REPS1: variants seen among roughly 807,000 people sequenced by gnomAD.
REPS1 encodes the protein ralBP1-associated Eps domain-containing protein 1.
In REPS1, 39 loss-of-function variants were observed where a neutral mutation model predicts 100.9. The observed-to-expected ratio is 0.39, with a 90% CI of 0.30 to 0.50. The LOEUF (loss-of-function observed/expected upper bound fraction) is 0.50, where lower values mean the gene tolerates loss of function less well. REPS1 is among the 20% of genes least tolerant of loss of function. The pLI is 0.86. For missense variants in REPS1, 821 were observed against 968.5 expected, an observed-to-expected ratio of 0.85 and a Z score of 2.02; for synonymous variants, 324 against 340.3, an observed-to-expected ratio of 0.95 and a Z score of 0.53.
Position 138,943,798 on chromosome 6 carries a change from T to G in REPS1, c.916+55A>C, listed in dbSNP as rs930154685. On this transcript the variant is annotated intron_variant, in intron 6 of 19. Transcript: ENST00000450536. ...CAATAAAACAATGTCTTTGATATTA[T>G]GAAATTGAGATTCTCCTGTCCCATC... 11 of 1,421,188 alleles carry G rather than the reference T, an allele frequency of 7.7e-6. No individual in the cohort carries two copies. The African/African-American group carries it at 1.4e-4, about 19-fold the overall frequency. The allele number at this position is 1,421,188 out of a possible 1,614,324, so 88.0% of individuals were successfully genotyped here. A position where few individuals can be genotyped will look rare whatever the true frequency, so the allele number is the denominator to read the frequency against.
chr6:138,969,307 C>A (rs1784196353), intron 1 of REPS1, among the ~76,000 whole-genome samples: 1 of 85,764 alleles, frequency 1.2e-5, no homozygotes, highest in Admixed American at 1.6e-4. Flanking sequence ...TGAGATAGCT[C>A]TCGCTCTGTC....
intron 8 of REPS1, among the ~76,000 whole-genome samples, chr6:138,932,861 C>T (rs1037895449): frequency 3.3e-5 from 5 of 152,152 alleles, no homozygotes; most frequent in Non-Finnish European, 7.3e-5. Flanking sequence ...AATGACAATG[C>T]TGAAGGTTTC....
In REPS1 at chr6:138,912,135, T is replaced by C. The variant is rs1487393343; in HGVS notation, c.1971+630A>G. Among the ~76,000 whole-genome samples the C allele has an allele frequency of 3.9e-5, 6 of 152,170 alleles. No homozygotes were observed. The South Asian group carries it at 6.2e-4, about 16-fold the overall frequency. On this transcript the variant is annotated intron_variant, in intron 16 of 19. Coordinates refer to ENST00000450536, the MANE Select transcript of REPS1 (RefSeq NM_001286611.2). The stretch of plus-strand genomic sequence containing the variant: ...ATGGCTATGACCTATAAGAAAGAGA[T>C]TGCAGAATTCCTCTGGTCTCTCCAA...
In REPS1 at chr6:138,941,378, A is replaced by G. The variant is rs761606321; in HGVS notation, c.1092T>C (p.Pro364=). 6.2e-7 allele frequency: 1 copy of G among 1,614,096 alleles called. No individual in the cohort carries two copies. Among genetic ancestry groups the G allele is most frequent in the South Asian group, 1.1e-5 (1 of 91,084 alleles). Reference sequence around the variant, plus strand: ...CAATCAGTTTGGGCATTAAGCTTTCAGGAAGTTTTTCTGGTAAATCATAGC... The same window carrying G: ...CAATCAGTTTGGGCATTAAGCTTTCGGGAAGTTTTTCTGGTAAATCATAGC... ...KNGYDLPEKL[P]ESLMPKLIDL... is the part of the protein sequence containing the mutation. Residue 364 remains proline (P), a synonymous_variant, in exon 8 of 20, where the codon CCT becomes CCC. Transcript: ENST00000450536.
intron 1 of REPS1, among the ~76,000 whole-genome samples, chr6:138,962,773 T>G (rs1278306195): frequency 6.6e-6 from 1 of 152,164 alleles, no homozygotes; most frequent in African/African-American, 2.4e-5. Flanking sequence ...CCCAAAAGAA[T>G]GAGAGTCCAG....
At chr6:138,921,774 C>T (rs556834373) in intron 10 of REPS1, among the ~76,000 whole-genome samples, 16 of 151,818 alleles carry the variant, frequency 1.1e-4, no homozygotes, top group South Asian at 4.2e-4. Flanking sequence ...GACAGGGTTT[C>T]GCTATGCTGG....
chr6:138,986,875 A>C (rs1360078714), intron 1 of REPS1, among the ~76,000 whole-genome samples: 1 of 152,170 alleles, frequency 6.6e-6, no homozygotes, highest in Non-Finnish European at 1.5e-5. Context: ...GCTGTTCAAT[A>C]CTCATCTCCC....
chr6:138,912,598 C>T, intron 16 of REPS1, 167 bp downstream of exon 16: 1 of 674,824 alleles, frequency 1.5e-6, no homozygotes, highest in Admixed American at 2.6e-5. Flanking sequence ...ACTTAGTAAG[C>T]ATTACACTGC....
intron 1 of REPS1, among the ~76,000 whole-genome samples, chr6:138,978,034 T>C (rs1024965926): frequency 2.6e-5 from 4 of 152,222 alleles, no homozygotes; most frequent in Admixed American, 1.3e-4. Flanking sequence ...GCCATTCTTA[T>C]TGTTGTCTTT....
At chr6:138,955,457 A>AAGTGTGTGT (rs10689184) in intron 1 of REPS1, among the ~76,000 whole-genome samples, 1,977 of 90,614 alleles carry the variant, frequency 0.022, 39 homozygotes, top group East Asian at 0.078. Context: ...AAAAAAAAAA[A>AAGTGTGTGT]GTGTGTGTGT....
rs761479306 is a variant in REPS1 at position 138,917,670 on chromosome 6, T to TA, written c.1529-44dup. ...TCCTATTTAATAATAATCATTTCTT[T>TA]ACTTTTTGCTCTATCTACTCCAAAC... On this transcript the variant is annotated intron_variant, in intron 12 of 19. Transcript: ENST00000450536. 6 of 1,518,014 alleles carry TA rather than the reference T, an allele frequency of 4.0e-6. No homozygotes were observed. The African/African-American group carries it at 6.9e-5, about 17-fold the overall frequency. 94.0% of individuals were successfully genotyped at this position (1,518,014 alleles called of 1,614,324 possible).
At chr6:138,947,653 G>A (rs1194938057) in intron 2 of REPS1, 137 bp downstream of exon 2, 2 of 670,532 alleles carry the variant, frequency 3.0e-6, no homozygotes, top group Non-Finnish European at 4.7e-6. Context: ...GCAAGGTAGT[G>A]GGAATAAAGT....
Position 138,945,340 on chromosome 6 carries a change from T to G in REPS1, c.507A>C (p.Gln169His). 6.2e-7 allele frequency: 1 copy of G among 1,612,050 alleles called. No homozygotes were observed. Among genetic ancestry groups the G allele is most frequent in the South Asian group, 1.1e-5 (1 of 90,870 alleles). The change falls in exon 4 of 20, where the codon CAA (glutamine) becomes CAC (histidine). Residue 169 changes from glutamine to histidine, a missense_variant. This residue lies in a region of REPS1 where 757 missense variants were observed against 866.4 expected (regional missense o/e 0.87). Transcript: ENST00000450536. ...ATGTGTGTGGAGAAGTTGGTGGGGA[T>G]TGCTGTGGTGAAACTACTGGGGATG... Reference protein sequence around the residue: ...EPASPVVSPQQSPPTSPHTWR... With the variant: ...EPASPVVSPQHSPPTSPHTWR...
Position 138,907,506 on chromosome 6 carries a change from G to T in REPS1, c.2311C>A (p.Gln771Lys). 6.2e-7 allele frequency: 1 copy of T among 1,607,882 alleles called. No individual in the cohort carries two copies. The change falls in exon 19 of 20, where the codon CAA becomes AAA. Residue 771 changes from glutamine (Q) to lysine (K), a missense_variant. This residue lies in a region of REPS1 where 757 missense variants were observed against 866.4 expected (regional missense o/e 0.87). Coordinates refer to ENST00000450536, the MANE Select transcript of REPS1 (RefSeq NM_001286611.2). Reference protein sequence around the residue: ...VLARLNSELQQQLKDVLEERI... With the variant: ...VLARLNSELQKQLKDVLEERI... ...AGAAACTATATTACCTTTAATTGTTGCTGCAATTCGCTATTCAATCTGGCC... is the reference window on the plus strand; with the variant it reads ...AGAAACTATATTACCTTTAATTGTTTCTGCAATTCGCTATTCAATCTGGCC...
At chr6:138,968,864 C>A (rs1784158476) in intron 1 of REPS1, among the ~76,000 whole-genome samples, 1 of 152,038 alleles carries the variant, frequency 6.6e-6, no homozygotes, top group South Asian at 2.1e-4. Context: ...TTTACTAGCC[C>A]CAAGCTGCAA....
chr6:138,952,688 C>T (rs1443462406), intron 1 of REPS1, among the ~76,000 whole-genome samples: 3 of 151,834 alleles, frequency 2.0e-5, no homozygotes, highest in Non-Finnish European at 4.4e-5. Context: ...GCATGAGCCA[C>T]CACACCCAGC....
chr6:138,957,361 TGAATATCA>T (rs1783453268), intron 1 of REPS1, among the ~76,000 whole-genome samples: 1 of 152,196 alleles, frequency 6.6e-6, no homozygotes, highest in Non-Finnish European at 1.5e-5. Flanking sequence ...GCAGTAACAC[TGAATATCA>T]GAAAACAATA....
chr6:138,912,091 A>G (rs1335830073), intron 16 of REPS1, among the ~76,000 whole-genome samples: 1 of 152,110 alleles, frequency 6.6e-6, no homozygotes, highest in Non-Finnish European at 1.5e-5. Flanking sequence ...TTTAAAAGGG[A>G]GCTAGTAGGA....
intron 15 of REPS1, among the ~76,000 whole-genome samples, chr6:138,914,198 T>C (rs980631580): frequency 1.3e-4 from 20 of 152,124 alleles, no homozygotes; most frequent in Admixed American, 7.2e-4. Flanking sequence ...GCCTCCCAAG[T>C]AGCTGGGACT....
Sources: gnomAD v4.1 joint callset for allele counts (sites outside exome capture counted in the v4.1 genomes callset) on GRCh38, gnomAD v4.1.1 for gene constraint, gnomAD v4.1.1 regional missense constraint, MANE v1.5 for transcripts, NCBI Gene and HGNC (gene_info 2026-07-23, HGNC 2026-07-21) for gene names.